Variants in CRAMP1 observed in about 807,000 individuals in gnomAD.
CRAMP1 encodes the protein cramped chromatin regulator 1.
CRAMP1 carries 50 observed loss-of-function variants against 115.4 expected under a neutral mutation model. The ratio of observed to expected loss-of-function variants is 0.43; its 90% CI spans 0.35 to 0.55. The LOEUF (loss-of-function observed/expected upper bound fraction) is 0.55. Ranked by LOEUF, CRAMP1 falls within the 20% of genes least tolerant of loss-of-function variation. The pLI, the probability that CRAMP1 is intolerant of heterozygous loss-of-function variation, is 0.01. For synonymous variants in CRAMP1, 866 were observed against 745.4 expected, an observed-to-expected ratio of 1.16 and a Z score of -2.64; for missense variants, 1,679 against 1,721.7, an observed-to-expected ratio of 0.98 and a Z score of 0.44.
At chr16:1,664,909 G>C in intron 13 of CRAMP1, 148 bp from the exon 14 acceptor site, 1 of 653,802 alleles carries the variant, frequency 1.5e-6, no homozygotes. Flanking sequence ...TGTCTGAGCA[G>C]TCCCAGGTAC....
chr16:1,656,511 G>C lies in CRAMP1; in HGVS notation c.1754G>C (p.Gly585Ala). The stretch of plus-strand genomic sequence containing the variant: ...TGCCGCTGTGCGGACACACGGCCTG[G>C]GAGCGAGCAGCCCCCTCTGGGCGGG... ...EQCRCADTRP[G>A]SEQPPLGGAA... Residue 585 changes from glycine (G) to alanine (A), a missense_variant, in exon 10 of 21, where the codon GGG (glycine) becomes GCG (alanine). Physicochemically the swap from Gly to Ala is moderately conservative, Grantham distance 60. Around this residue, in one of 8 missense-constraint regions of CRAMP1, gnomAD observed 405 missense variants for 302.6 expected, o/e 1.34. Transcript: ENST00000397412. The surrounding 1 kb of genome is among the most constrained non-coding windows in gnomAD (Gnocchi z 5.6). 1 of 1,565,184 alleles carries C rather than the reference G, an allele frequency of 6.4e-7. No individual in the cohort carries two copies. Among genetic ancestry groups the C allele is most frequent in the Non-Finnish European group, 8.7e-7 (1 of 1,155,652 alleles).
At chr16:1,620,867 C>A (rs538477374) in intron 2 of CRAMP1, among the ~76,000 whole-genome samples, 1 of 151,728 alleles carries the variant, frequency 6.6e-6, no homozygotes, top group Non-Finnish European at 1.5e-5. Context: ...GAGAAGGTTG[C>A]GTGGTTCTTG....
In CRAMP1 at chr16:1,669,039, A is replaced by C. The variant is rs201896175; in HGVS notation, c.3373A>C (p.Ser1125Arg). The change falls in exon 19 of 21, where the codon AGT becomes CGT. Residue 1125 changes from serine (S) to arginine (R), a missense_variant. Coordinates refer to ENST00000397412, the MANE Select transcript of CRAMP1 (RefSeq NM_020825.4). The surrounding 1 kb of genome is among the most constrained non-coding windows in gnomAD (Gnocchi z 4.6). Reference protein sequence around the residue: ...VPLSPAKLNGSDSSKSLPSPS... With the variant: ...VPLSPAKLNGRDSSKSLPSPS... ...TCTTTCTCCAGCAAAACTGAATGGC[A>C]GTGACAGTTCCAAGAGCCTTCCCTC... 1 of 1,613,274 alleles carries C rather than the reference A, an allele frequency of 6.2e-7. No individual in the cohort carries two copies. The highest frequency in any genetic ancestry group is 1.1e-5 in the South Asian group (1 of 90,948).
At chr16:1,657,469 C>T (rs1381732325) in intron 10 of CRAMP1, among the ~76,000 whole-genome samples, 1 of 152,214 alleles carries the variant, frequency 6.6e-6, no homozygotes, top group Admixed American at 6.5e-5. Context: ...AGCCTTCTGG[C>T]TTATCTAATC....
chr16:1,644,921 C>CA (rs35969769), intron 6 of CRAMP1, among the ~76,000 whole-genome samples: 16,667 of 151,768 alleles, frequency 0.11, 1,245 homozygotes, highest in African/African-American at 0.21. Flanking sequence ...AGGCTGATCT[C>CA]AAACTCCTGG....
At chr16:1,647,636 G>A (rs2036687178) in intron 6 of CRAMP1, among the ~76,000 whole-genome samples, 1 of 151,850 alleles carries the variant, frequency 6.6e-6, no homozygotes, top group Non-Finnish European at 1.5e-5. Flanking sequence ...CACCTACTCG[G>A]GAGGCTGGGG....
chr16:1,637,813 C>T lies in CRAMP1; in HGVS notation c.695-11C>T. The T allele has an allele frequency of 6.8e-7, 1 of 1,473,244 alleles. No homozygotes were observed. The highest frequency in any genetic ancestry group is 2.4e-5 in the Admixed American group (1 of 41,324). 91.3% of individuals were successfully genotyped at this position (1,473,244 alleles called of 1,614,324 possible). A position where few individuals can be genotyped will look rare whatever the true frequency, so the allele number is the denominator to read the frequency against. On this transcript the variant is annotated splice_polypyrimidine_tract_variant and intron_variant, in intron 4 of 20. Transcript: ENST00000397412. The stretch of plus-strand genomic sequence containing the variant: ...CCCCTCTCTAAAGCCGCCTTCTCTT[C>T]TGTTTCTCAGTGTTCTCTCGAGGCC...
At chr16:1,624,296 G>A (rs1345584715) in intron 2 of CRAMP1, among the ~76,000 whole-genome samples, 2 of 152,006 alleles carry the variant, frequency 1.3e-5, no homozygotes, top group Admixed American at 6.6e-5. Context: ...TCTAGCCTGC[G>A]TGTGGCTGCC....
rs1430384197 is a variant in CRAMP1 at position 1,662,595 on chromosome 16, A to G, written c.2519A>G (p.Asn840Ser). The G allele has an allele frequency of 5.0e-6, 8 of 1,613,958 alleles. No homozygotes were observed. The highest frequency in any genetic ancestry group is 5.9e-6 in the Non-Finnish European group (7 of 1,179,874). ...LFAVPTTLPP[N>S]SRHGKLFSPS... Reference sequence around the variant, plus strand: ...GCTGTCCCGACAACCTTGCCACCCAACAGCCGACACGGGAAGCTCTTCTCT... The same window carrying G: ...GCTGTCCCGACAACCTTGCCACCCAGCAGCCGACACGGGAAGCTCTTCTCT... The change falls in exon 12 of 21, where the codon AAC becomes AGC. Residue 840 changes from asparagine to serine, a missense_variant. Physicochemically the swap from Asn to Ser is conservative, Grantham distance 46. Coordinates refer to ENST00000397412, the MANE Select transcript of CRAMP1 (RefSeq NM_020825.4).
At chr16:1,613,808 G>T (rs1488725976) in intron 1 of CRAMP1, among the ~76,000 whole-genome samples, 1 of 152,200 alleles carries the variant, frequency 6.6e-6, no homozygotes, top group Non-Finnish European at 1.5e-5. Flanking sequence ...GTTCCAACCT[G>T]TTCCATGCAA....
rs2036903684 is a variant in CRAMP1, at chr16:1,669,466, A to G, written c.3499+301A>G. Among the ~76,000 whole-genome samples, 6 of 152,122 alleles carry G rather than the reference A, an allele frequency of 3.9e-5. No homozygotes were observed. Among genetic ancestry groups the G allele is most frequent in the Admixed American group, 3.9e-4 (6 of 15,272 alleles). On this transcript the variant is annotated intron_variant, in intron 19 of 20. Coordinates refer to ENST00000397412, the MANE Select transcript of CRAMP1 (RefSeq NM_020825.4). This position sits in a 1 kb window ranked among gnomAD's most constrained non-coding sequence, Gnocchi z 4.6. ...GATGCTGGGTTCTGTGTGCCTTCCCAGTCTGTTCAGCTAGCCCGGCCCCTC... is the reference window on the plus strand; with the variant it reads ...GATGCTGGGTTCTGTGTGCCTTCCCGGTCTGTTCAGCTAGCCCGGCCCCTC...
At chr16:1,651,118 G>C (rs146738586) in intron 6 of CRAMP1, among the ~76,000 whole-genome samples, 2 of 152,040 alleles carry the variant, frequency 1.3e-5, no homozygotes, top group Middle Eastern at 3.4e-3. Flanking sequence ...AGAGGCCACA[G>C]GTCATGGAAA....
At chr16:1,660,129 C>A in intron 11 of CRAMP1, 66 bp downstream of exon 11, 1 of 1,365,748 alleles carries the variant, frequency 7.3e-7, no homozygotes, top group Non-Finnish European at 9.7e-7. Flanking sequence ...GCTTCAGGGG[C>A]CGTGCCGAAG....
intron 5 of CRAMP1, among the ~76,000 whole-genome samples, chr16:1,638,815 G>GC (rs1007195919): frequency 6.6e-5 from 10 of 151,912 alleles, no homozygotes; most frequent in Non-Finnish European, 1.3e-4. Context: ...TCCCCTTGCT[G>GC]CCCCTCCATG....
At chr16:1,648,901 AC>A (rs2036699202) in intron 6 of CRAMP1, among the ~76,000 whole-genome samples, 1 of 151,814 alleles carries the variant, frequency 6.6e-6, no homozygotes, top group South Asian at 2.1e-4. Context: ...CACTAAAAAT[AC>A]AAAAAAATTA....
chr16:1,646,213 TGAA>T (rs1211622255), intron 6 of CRAMP1, among the ~76,000 whole-genome samples: 13 of 152,318 alleles, frequency 8.5e-5, no homozygotes, highest in African/African-American at 2.6e-4. Flanking sequence ...TTAGTGTTGA[TGAA>T]GAAGTGCCCA....
intron 20 of CRAMP1, among the ~76,000 whole-genome samples, chr16:1,673,597 T>C (rs2036941123): frequency 6.6e-6 from 1 of 152,218 alleles, no homozygotes; most frequent in African/African-American, 2.4e-5. Flanking sequence ...ACCTGTTGGG[T>C]GTCTTCCCCC....
intron 4 of CRAMP1, among the ~76,000 whole-genome samples, chr16:1,635,838 T>G (rs1300119028): frequency 6.6e-6 from 1 of 152,236 alleles, no homozygotes; most frequent in African/African-American, 2.4e-5. Flanking sequence ...CTCAGTTTAC[T>G]ACCTCCTGTC....
intron 3 of CRAMP1, among the ~76,000 whole-genome samples, chr16:1,629,007 G>A (rs1477429716): frequency 6.6e-6 from 1 of 152,222 alleles, no homozygotes; most frequent in Non-Finnish European, 1.5e-5. Flanking sequence ...ACCTGTGGCA[G>A]GGCACTCGCC....
Sources: gnomAD v4.1 joint callset for allele counts (sites outside exome capture counted in the v4.1 genomes callset) on GRCh38, gnomAD v4.1.1 for gene constraint, gnomAD v4.1.1 regional missense constraint, Gnocchi (gnomAD v3.1) non-coding constraint, MANE v1.5 for transcripts, NCBI Gene and HGNC (gene_info 2026-07-23, HGNC 2026-07-21) for gene names.